CSRP2: variants seen among roughly 807,000 people sequenced by gnomAD.
CSRP2 encodes the protein cysteine and glycine rich protein 2.
In CSRP2, 18 loss-of-function variants were observed where a neutral mutation model predicts 24.6. The ratio of observed to expected loss-of-function variants is 0.73; its 90% CI spans 0.51 to 1.09. The LOEUF is 1.09. Among genes scored for constraint, CSRP2 ranks in the 50% least tolerant of loss-of-function variants. The pLI is 0.00. For synonymous variants in CSRP2, 87 were observed against 84.3 expected (o/e 1.03, Z -0.18); for missense variants, 215 against 239.4 (o/e 0.90, Z 0.67).
intron 3 of CSRP2, 51 bp from the exon 4 acceptor site, chr12:76,860,464 T>G: frequency 6.2e-7 from 1 of 1,601,394 alleles, no homozygotes; most frequent in Non-Finnish European, 8.5e-7. Context: ...CAGGGCCCTT[T>G]TAAGTACACA....
In CSRP2 at chr12:76,863,244, G is replaced by A. The variant is rs952910171; in HGVS notation, c.213C>T (p.Tyr71=). Residue 71 remains tyrosine, a synonymous_variant, in exon 3 of 6, where the codon TAC becomes TAT. Transcript: ENST00000311083. The stretch of plus-strand genomic sequence containing the variant: ...GCGTGCCAGCGCCCTGGCCATAACC[G>A]TAGCCTTTTGGCCCATACTTCTTTC... ...CYGKKYGPKG[Y]GYGQGAGTLN... The A allele has an allele frequency of 1.9e-6, 3 of 1,614,210 alleles. No individual in the cohort carries two copies. The highest frequency in any genetic ancestry group is 2.5e-6 in the Non-Finnish European group (3 of 1,180,044).
Position 76,863,260 on chromosome 12 carries a change from T to C in CSRP2, c.197A>G (p.Tyr66Cys), listed in dbSNP as rs370719162. 8 of 1,614,136 alleles carry C rather than the reference T, an allele frequency of 5.0e-6. No individual in the cohort carries two copies. In the Admixed American group the frequency reaches 5.0e-5, roughly 10 times the overall value. Residue 66 changes from tyrosine (Y) to cysteine (C), a missense_variant, in exon 3 of 6, where the codon TAT becomes TGT. Tyr to Cys is a radical substitution (Grantham distance 194). Coordinates refer to ENST00000311083, the MANE Select transcript of CSRP2 (RefSeq NM_001321.3). ...IYCKSCYGKKYGPKGYGYGQG... is the reference protein window; with the variant it reads ...IYCKSCYGKKCGPKGYGYGQG... ...GCCATAACCGTAGCCTTTTGGCCCA[T>C]ACTTCTTTCCGTAGCAGGATTTGCA...
chr12:76,864,674 A>G, intron 2 of CSRP2: 1 of 152,244 alleles, frequency 6.6e-6, no homozygotes, highest in Non-Finnish European at 1.5e-5. Flanking sequence ...AAGGAGGACA[A>G]AAGGAAGGAC....
Position 76,869,579 on chromosome 12 carries a change from C to CA in CSRP2, c.-1-3319_-1-3318insT, listed in dbSNP as rs3223657. ...ACACACACACACACACACACACACA[C>CA]CCCTGACTGGTATGGCTTGTTATCA... On this transcript the variant is annotated intron_variant, in intron 1 of 5. Coordinates refer to ENST00000311083, the MANE Select transcript of CSRP2 (RefSeq NM_001321.3). 4.8e-5 allele frequency among the ~76,000 whole-genome samples: 7 copies of CA among 147,022 alleles called. No homozygotes were observed. The East Asian group carries it at 9.9e-4, about 21-fold the overall frequency.
chr12:76,875,243 T>A (rs1361109408), intron 1 of CSRP2, among the ~76,000 whole-genome samples: 1 of 152,174 alleles, frequency 6.6e-6, no homozygotes, highest in Non-Finnish European at 1.5e-5. Flanking sequence ...CCAAAAAGCT[T>A]TTTATTACCC....
chr12:76,875,051 C>CA (rs1421037236), intron 1 of CSRP2, among the ~76,000 whole-genome samples: 1 of 152,152 alleles, frequency 6.6e-6, no homozygotes, highest in Admixed American at 6.5e-5. Context: ...AAGCTTTCCT[C>CA]AAAACTCCCA....
intron 1 of CSRP2, among the ~76,000 whole-genome samples, chr12:76,866,869 C>T (rs1026860176): frequency 3.3e-5 from 5 of 152,178 alleles, no homozygotes; most frequent in Middle Eastern, 3.2e-3. Flanking sequence ...ACTGCATGCA[C>T]GGAACTTTTG....
At chr12:76,871,594 C>A (rs1034610604) in intron 1 of CSRP2, among the ~76,000 whole-genome samples, 2 of 152,062 alleles carry the variant, frequency 1.3e-5, no homozygotes, top group East Asian at 3.9e-4. Flanking sequence ...CACGGTGAAA[C>A]CCCGTCTCTA....
chr12:76,875,550 A>C (rs1156679579), intron 1 of CSRP2, among the ~76,000 whole-genome samples: 2 of 152,232 alleles, frequency 1.3e-5, no homozygotes, highest in East Asian at 3.8e-4. Flanking sequence ...CAAACAATTT[A>C]ATATTTGCAC....
intron 2 of CSRP2, 68 bp downstream of exon 2, chr12:76,866,081 T>G (rs1953731875): frequency 8.2e-7 from 1 of 1,218,668 alleles, no homozygotes; most frequent in Non-Finnish European, 1.2e-6. Context: ...CAATTTTTCC[T>G]TAAATAGACA....
At position 76,863,289 on chromosome 12, in the gene CSRP2, G is replaced by T; in HGVS notation, c.168C>A (p.Ile56=). Residue 56 remains isoleucine, a synonymous_variant, in exon 3 of 6, where the codon ATC becomes ATA. Coordinates refer to ENST00000311083, the MANE Select transcript of CSRP2 (RefSeq NM_001321.3). ...TCTTTCCGTAGCAGGATTTGCAGTA[G>T]ATCTCTTCATCGTGAATTGCCACTG... is the stretch of plus-strand genomic sequence containing the variant. ...STTVAIHDEE[I]YCKSCYGKKY... The T allele has an allele frequency of 2.5e-6, 4 of 1,614,210 alleles. No individual in the cohort carries two copies. Among genetic ancestry groups the T allele is most frequent in the Non-Finnish European group, 3.4e-6 (4 of 1,180,040 alleles).
At chr12:76,862,843 C>A (rs750793974) in intron 3 of CSRP2, 29 of 1,523,576 alleles carry the variant, frequency 1.9e-5, no homozygotes, top group African/African-American at 2.8e-5. Context: ...ATGATTCACA[C>A]AGCACATTTC....
At chr12:76,863,495 C>T (rs960807615) in intron 2 of CSRP2, 151 bp from the exon 3 acceptor site, 4 of 692,184 alleles carry the variant, frequency 5.8e-6, no homozygotes, top group African/African-American at 5.4e-5. Context: ...AGCCATGAGA[C>T]AGCATCTGGA....
intron 3 of CSRP2, chr12:76,861,879 A>G (rs1953684614): frequency 1.3e-5 from 2 of 152,252 alleles, no homozygotes; most frequent in South Asian, 4.1e-4. Flanking sequence ...GACTCAATAC[A>G]TGGTAATTAT....
At chr12:76,866,125 G>C in intron 2 of CSRP2, 24 bp downstream of exon 2, 1 of 1,559,700 alleles carries the variant, frequency 6.4e-7, no homozygotes, top group Non-Finnish European at 8.8e-7. Flanking sequence ...TTCCGTCAAA[G>C]GTGGAGCATG....
chr12:76,860,399 C>G lies in CSRP2; in HGVS notation c.296G>C (p.Arg99Thr). ...AGAAGTGTTTGGATTTGTTGTAGGC[C>G]TGTGAGGCTGAACACTTGTGAAAAG... ...GIKPESVQPH[R>T]PTTNPNTSKF... The change falls in exon 4 of 6, where the codon AGG becomes ACG. Residue 99 changes from arginine (R) to threonine (T), a missense_variant. Physicochemically the swap from Arg to Thr is moderately conservative, Grantham distance 71. Transcript: ENST00000311083. The G allele has an allele frequency of 6.2e-7, 1 of 1,612,726 alleles. No individual in the cohort carries two copies. The highest frequency in any genetic ancestry group is 1.1e-5 in the South Asian group (1 of 90,936).
chr12:76,863,721 T>C (rs111721490), intron 2 of CSRP2: 6 of 166,402 alleles, frequency 3.6e-5, no homozygotes, highest in East Asian at 1.7e-4. Context: ...AAGGTGGCTA[T>C]AAAAATGCTT....
chr12:76,860,261 A>G, intron 4 of CSRP2, 23 bp downstream of exon 4: 1 of 1,609,970 alleles, frequency 6.2e-7, no homozygotes, highest in Non-Finnish European at 8.5e-7. Flanking sequence ...ATTTGCTGTT[A>G]TTAATTCCAA....
At chr12:76,866,915 G>A (rs752358179) in intron 1 of CSRP2, among the ~76,000 whole-genome samples, 16 of 152,066 alleles carry the variant, frequency 1.1e-4, no homozygotes, top group East Asian at 3.9e-4. Context: ...AGATGGCTCC[G>A]GCTTAAGTTT....
Sources: allele counts gnomAD v4.1 joint callset (sites outside exome capture counted in the v4.1 genomes callset), GRCh38; gene constraint gnomAD v4.1.1; transcripts MANE v1.5; gene names NCBI Gene and HGNC (gene_info 2026-07-23, HGNC 2026-07-21).